Variants in CBLB observed in about 807,000 individuals in gnomAD.
CBLB encodes E3 ubiquitin-protein ligase CBL-B.
A neutral mutation model predicts 104.9 loss-of-function variants in CBLB; 31 were observed. That is an observed-to-expected ratio of 0.30 (90% confidence interval 0.22 to 0.40). The LOEUF (loss-of-function observed/expected upper bound fraction) is 0.40. Ranked by LOEUF, CBLB falls within the 10% of genes least tolerant of loss-of-function variation. The pLI, the probability that CBLB is intolerant of heterozygous loss-of-function variation, is 1.00. For synonymous variants in CBLB, 440 were observed against 422.6 expected (o/e 1.04, Z -0.51); for missense variants, 1,062 against 1,214.6 (o/e 0.87, Z 1.87).
intron 3 of CBLB, among the ~76,000 whole-genome samples, chr3:105,778,527 A>G (rs893279205): frequency 2.0e-4 from 30 of 152,302 alleles, no homozygotes; most frequent in South Asian, 1.2e-3. Flanking sequence ...GATATTCTAT[A>G]AAATCAATAA....
Position 105,836,757 on chromosome 3 carries a change from A to G in CBLB, c.419+16657T>C, listed in dbSNP as rs562949684. ...CACCCTTGGTCTAGTGAGTCAAAAC[A>G]AACTGCTGACAAACCCTAACAGCTA... On this transcript the variant is annotated intron_variant, in intron 3 of 18. Coordinates refer to ENST00000394030, the MANE Select transcript of CBLB (RefSeq NM_170662.5). Among the ~76,000 whole-genome samples, 7 of 152,272 alleles carry G rather than the reference A, an allele frequency of 4.6e-5. No homozygotes were observed. In the South Asian group the frequency reaches 1.5e-3, roughly 32 times the overall value.
In CBLB at chr3:105,702,257, A is replaced by C; in HGVS notation, c.1796T>G (p.Phe599Cys). 1 of 1,614,018 alleles carries C rather than the reference A, an allele frequency of 6.2e-7. No homozygotes were observed. ...ACATCCCACAAGCTGATTAGTCCCAAACACATCCCGAGGGCACCATGCTTC... is the reference window on the plus strand; with the variant it reads ...ACATCCCACAAGCTGATTAGTCCCACACACATCCCGAGGGCACCATGCTTC... ...PLEAWCPRDV[F>C]GTNQLVGCRL... Residue 599 changes from phenylalanine (F) to cysteine (C), a missense_variant, in exon 12 of 19, where the codon TTT becomes TGT. Transcript: ENST00000394030.
At chr3:105,682,909 T>C (rs973891166) in intron 14 of CBLB, among the ~76,000 whole-genome samples, 2 of 152,206 alleles carry the variant, frequency 1.3e-5, no homozygotes, top group African/African-American at 2.4e-5. Context: ...TATTTTGCCT[T>C]CAGCATATAG....
intron 13 of CBLB, among the ~76,000 whole-genome samples, chr3:105,687,697 A>C (rs2067182177): frequency 6.6e-6 from 1 of 152,000 alleles, no homozygotes; most frequent in East Asian, 1.9e-4. Context: ...TTTTAATGAA[A>C]ATGTTTAATA....
At chr3:105,683,992 T>C (rs2066664980) in intron 14 of CBLB, among the ~76,000 whole-genome samples, 1 of 152,244 alleles carries the variant, frequency 6.6e-6, no homozygotes, top group Admixed American at 6.5e-5. Flanking sequence ...ATTTCCTACC[T>C]CAGTGAGATG....
At chr3:105,718,965 T>C (rs2072353158) in intron 10 of CBLB, among the ~76,000 whole-genome samples, 1 of 152,240 alleles carries the variant, frequency 6.6e-6, no homozygotes, top group Admixed American at 6.5e-5. Flanking sequence ...TTCTGGTTCA[T>C]TGACTAGTCT....
chr3:105,711,259 G>A (rs1482672038), intron 10 of CBLB, among the ~76,000 whole-genome samples: 1 of 151,914 alleles, frequency 6.6e-6, no homozygotes, highest in Non-Finnish European at 1.5e-5. Context: ...GGTATATACA[G>A]TTACTATAAT....
rs1467467666 is a variant in CBLB at position 105,704,168 on chromosome 3, A to C, written c.1413T>G (p.Thr471=). ...MNRLANVRKC[T]DRQNSPVTSP... is the part of the protein sequence containing the mutation. ...ATGTGACTGGTGAGTTCTGCCTGTCAGTGCACTAGAACAGAAAAAGAGAAA... is the reference window on the plus strand; with the variant it reads ...ATGTGACTGGTGAGTTCTGCCTGTCCGTGCACTAGAACAGAAAAAGAGAAA... Residue 471 remains threonine (T), a synonymous_variant, in exon 11 of 19, where the codon ACT becomes ACG. Coordinates refer to ENST00000394030, the MANE Select transcript of CBLB (RefSeq NM_170662.5). 1.9e-6 allele frequency: 3 copies of C among 1,614,022 alleles called. No individual in the cohort carries two copies. The highest frequency in any genetic ancestry group is 2.2e-5 in the East Asian group (1 of 44,876).
chr3:105,697,302 C>T (rs2068511348), intron 12 of CBLB, among the ~76,000 whole-genome samples: 1 of 151,842 alleles, frequency 6.6e-6, no homozygotes, highest in African/African-American at 2.4e-5. Flanking sequence ...TCTCTAAATG[C>T]CTCAAGGTAT....
intron 4 of CBLB, among the ~76,000 whole-genome samples, chr3:105,760,932 C>T (rs1369373244): frequency 2.0e-5 from 3 of 152,152 alleles, no homozygotes; most frequent in Non-Finnish European, 4.4e-5. Flanking sequence ...CTATTAATAA[C>T]CAACATTTAA....
At chr3:105,665,308 G>A (rs541971812) in intron 18 of CBLB, among the ~76,000 whole-genome samples, 26 of 151,012 alleles carry the variant, frequency 1.7e-4, no homozygotes, top group East Asian at 5.8e-4. Flanking sequence ...GCTTGAACCC[G>A]GAACGTGGAG....
At chr3:105,721,181 T>G (rs909784082) in intron 9 of CBLB, among the ~76,000 whole-genome samples, 24 of 152,166 alleles carry the variant, frequency 1.6e-4, no homozygotes, top group African/African-American at 5.6e-4. Flanking sequence ...ACAAAATTAC[T>G]TTAAGGGAGA....
intron 12 of CBLB, among the ~76,000 whole-genome samples, chr3:105,694,160 C>A (rs1321321861): frequency 2.0e-5 from 3 of 151,818 alleles, no homozygotes; most frequent in Non-Finnish European, 2.9e-5. Flanking sequence ...CAAATTTAAA[C>A]AAAATTTTCA....
chr3:105,692,778 G>A (rs1331242991), intron 13 of CBLB, among the ~76,000 whole-genome samples: 1 of 150,970 alleles, frequency 6.6e-6, no homozygotes, highest in Admixed American at 6.7e-5. Context: ...TATACCGGAG[G>A]AAAGGCAGAC....
At chr3:105,789,879 G>T (rs1253005143) in intron 3 of CBLB, among the ~76,000 whole-genome samples, 3 of 152,116 alleles carry the variant, frequency 2.0e-5, no homozygotes, top group Admixed American at 1.3e-4. Context: ...TAACACTAAA[G>T]ATACATACTG....
At chr3:105,769,447 A>C (rs2078607186) in intron 4 of CBLB, among the ~76,000 whole-genome samples, 1 of 152,220 alleles carries the variant, frequency 6.6e-6, no homozygotes. Flanking sequence ...TCAATTGAGA[A>C]ATGGGGGCAT....
chr3:105,820,958 T>G (rs943108192), intron 3 of CBLB, among the ~76,000 whole-genome samples: 10 of 152,260 alleles, frequency 6.6e-5, no homozygotes, highest in African/African-American at 2.2e-4. Context: ...ATTTGTAAAA[T>G]CTGGTTTAAA....
chr3:105,749,817 T>C (rs1021030960), intron 5 of CBLB: 28 of 224,964 alleles, frequency 1.2e-4, no homozygotes, highest in African/African-American at 6.1e-4. Context: ...CAGACAACTT[T>C]TTTTTCTAAA....
At chr3:105,750,273 C>A (rs2076481387) in intron 5 of CBLB, among the ~76,000 whole-genome samples, 2 of 152,038 alleles carry the variant, frequency 1.3e-5, no homozygotes, top group Admixed American at 1.3e-4. Flanking sequence ...TGGGTTCCTT[C>A]ATAAATTAAA....
Sources: allele counts gnomAD v4.1 joint callset (sites outside exome capture counted in the v4.1 genomes callset), GRCh38; gene constraint gnomAD v4.1.1; transcripts MANE v1.5; gene names NCBI Gene and HGNC (gene_info 2026-07-23, HGNC 2026-07-21).